Variants in CDH4 observed in about 807,000 individuals in gnomAD.
The protein encoded by CDH4 is cadherin 4.
A neutral mutation model predicts 86.0 loss-of-function variants in CDH4; 33 were observed. That is an observed-to-expected ratio of 0.38 (90% confidence interval 0.29 to 0.51). The LOEUF (loss-of-function observed/expected upper bound fraction) is 0.51. CDH4 is among the 20% of genes least tolerant of loss of function. The probability of loss-of-function intolerance (pLI) is 0.86; values close to 1 mark genes in which losing one functional copy is unlikely to be tolerated. For missense variants in CDH4, 1,114 were observed against 1,307.4 expected (o/e 0.85, Z 2.28); for synonymous variants, 555 against 549.4 (o/e 1.01, Z -0.14).
intron 2 of CDH4, among the ~76,000 whole-genome samples, chr20:61,473,111 C>T (rs1255242332): frequency 1.3e-5 from 2 of 151,962 alleles, no homozygotes; most frequent in East Asian, 1.9e-4. Context: ...ATTACATCAT[C>T]GAATGTGGAG....
intron 2 of CDH4, among the ~76,000 whole-genome samples, chr20:61,308,408 G>A (rs1350761452): frequency 1.3e-5 from 2 of 152,202 alleles, no homozygotes; most frequent in Admixed American, 6.5e-5. Context: ...TTGTGGGGAG[G>A]AGAAGGCAGG....
intron 9 of CDH4, among the ~76,000 whole-genome samples, chr20:61,916,584 G>A (rs971072603): frequency 6.6e-6 from 1 of 152,230 alleles, no homozygotes; most frequent in African/African-American, 2.4e-5. Context: ...GAGCTGGGGA[G>A]AGGCTCCTGA....
chr20:61,342,806 C>T (rs1043282391), intron 2 of CDH4, among the ~76,000 whole-genome samples: 3 of 152,242 alleles, frequency 2.0e-5, no homozygotes, highest in African/African-American at 7.2e-5. Flanking sequence ...ATCATGGAGA[C>T]CGTGAGAGCC....
At position 61,510,914 on chromosome 20, in the gene CDH4, C is replaced by G. The variant is rs992644374; in HGVS notation, c.170-232649C>G. On this transcript the variant is annotated intron_variant, in intron 2 of 15. Coordinates refer to ENST00000614565, the MANE Select transcript of CDH4 (RefSeq NM_001794.5). The surrounding 1 kb of genome is among the most constrained non-coding windows in gnomAD (Gnocchi z 4.2). ...GTGGGGGAAGGTGAGGGGGTGGGGA[C>G]AGACATGTCACAAAATGAAAGCAGG... is the stretch of plus-strand genomic sequence containing the variant. Among the ~76,000 whole-genome samples the G allele has an allele frequency of 6.6e-6, 1 of 151,696 alleles. No individual in the cohort carries two copies. The highest frequency in any genetic ancestry group is 1.5e-5 in the Non-Finnish European group (1 of 68,000).
chr20:61,815,506 G>A (rs1424652936), intron 4 of CDH4, among the ~76,000 whole-genome samples: 1 of 152,206 alleles, frequency 6.6e-6, no homozygotes, highest in Non-Finnish European at 1.5e-5. Context: ...CCGGGAGACA[G>A]GAGGAAGACG....
chr20:61,760,538 G>C (rs1359948781), intron 3 of CDH4, among the ~76,000 whole-genome samples: 2 of 152,226 alleles, frequency 1.3e-5, no homozygotes, highest in African/African-American at 4.8e-5. Context: ...TGGGCAGGTC[G>C]TGCAACCTCC....
intron 2 of CDH4, among the ~76,000 whole-genome samples, chr20:61,282,523 T>G (rs1320907843): frequency 6.7e-6 from 1 of 148,154 alleles, no homozygotes; most frequent in Non-Finnish European, 1.5e-5. Flanking sequence ...AAACCACTTT[T>G]AATCTTTGGC....
In CDH4 at chr20:61,937,071, A is replaced by C; in HGVS notation, c.*128A>C. ...CTTAGTGCTGTTAGGAGGCCCCCCA[A>C]TCCCCACGTTGAGCTGTCTAGCATG... On this transcript the variant is annotated 3_prime_UTR_variant, in exon 16 of 16. Coordinates refer to ENST00000614565, the MANE Select transcript of CDH4 (RefSeq NM_001794.5). The C allele has an allele frequency of 5.7e-6, 4 of 700,974 alleles. No individual in the cohort carries two copies. Among genetic ancestry groups the C allele is most frequent in the South Asian group, 2.6e-5 (1 of 39,084 alleles). 43.4% of individuals were successfully genotyped at this position (700,974 alleles called of 1,614,324 possible).
At chr20:61,773,243 C>T (rs892039761) in intron 4 of CDH4, 61 bp downstream of exon 4, 34 of 1,431,702 alleles carry the variant, frequency 2.4e-5, no homozygotes, top group Middle Eastern at 2.5e-4. Context: ...GCTCTTCTCC[C>T]GACATCCCAA....
At chr20:61,542,998 C>T (rs906802588) in intron 2 of CDH4, among the ~76,000 whole-genome samples, 2 of 152,214 alleles carry the variant, frequency 1.3e-5, no homozygotes, top group African/African-American at 2.4e-5. Flanking sequence ...AGTCTAAAAG[C>T]GGAAGGACTT....
chr20:61,888,299 C>T (rs1277137778), intron 7 of CDH4, among the ~76,000 whole-genome samples: 2 of 152,188 alleles, frequency 1.3e-5, no homozygotes, highest in Non-Finnish European at 2.9e-5. Context: ...GCCTGTCCAC[C>T]GCTGCTGGCA....
chr20:61,616,186 A>C (rs1220059248), intron 2 of CDH4, among the ~76,000 whole-genome samples: 1 of 152,254 alleles, frequency 6.6e-6, no homozygotes, highest in Non-Finnish European at 1.5e-5. Context: ...CTGCACCAGC[A>C]CTGCCGTCTC....
chr20:61,334,876 A>G (rs1265901831), intron 2 of CDH4, among the ~76,000 whole-genome samples: 3 of 152,190 alleles, frequency 2.0e-5, no homozygotes, highest in African/African-American at 7.2e-5. Context: ...GAGAAACTCC[A>G]CTTTGCCTCC....
rs146879366 is a variant in CDH4 at position 61,315,735 on chromosome 20, G to A, written c.169+60798G>A. Among the ~76,000 whole-genome samples, 40 of 152,272 alleles carry A rather than the reference G, an allele frequency of 2.6e-4. No individual in the cohort carries two copies. The East Asian group carries it at 7.3e-3, about 28-fold the overall frequency. On this transcript the variant is annotated intron_variant, in intron 2 of 15. Coordinates refer to ENST00000614565, the MANE Select transcript of CDH4 (RefSeq NM_001794.5). ...CATTTTTTGTTTAAGACATGGTCTTGCTCTGTCACCCATGCTGGAGTGCAG... is the reference window on the plus strand; with the variant it reads ...CATTTTTTGTTTAAGACATGGTCTTACTCTGTCACCCATGCTGGAGTGCAG...
intron 2 of CDH4, among the ~76,000 whole-genome samples, chr20:61,671,741 A>G (rs1024654205): frequency 7.4e-5 from 11 of 148,634 alleles, no homozygotes; most frequent in African/African-American, 2.7e-4. Flanking sequence ...TGGATGGATG[A>G]TGAATGAATG....
Position 61,703,728 on chromosome 20 carries a change from T to C in CDH4, c.170-39835T>C, listed in dbSNP as rs570359232. On this transcript the variant is annotated intron_variant, in intron 2 of 15. Coordinates refer to ENST00000614565, the MANE Select transcript of CDH4 (RefSeq NM_001794.5). The surrounding 1 kb of genome is among the most constrained non-coding windows in gnomAD (Gnocchi z 4.3). ...TGAGGTGGCTCCACTCGGGGCAGGG[T>C]TGAGGCTTTCTGTGTCTGCATCAGA... 1.7e-3 allele frequency among the ~76,000 whole-genome samples: 266 copies of C among 152,346 alleles called. No individual in the cohort carries two copies. The highest frequency in any genetic ancestry group is 6.0e-3 in the African/African-American group (248 of 41,584).
intron 2 of CDH4, among the ~76,000 whole-genome samples, chr20:61,589,543 A>C (rs1307144584): frequency 6.6e-6 from 1 of 152,182 alleles, no homozygotes; most frequent in Non-Finnish European, 1.5e-5. Context: ...ATGCAGAAAA[A>C]CAGGGTGAGT....
intron 2 of CDH4, among the ~76,000 whole-genome samples, chr20:61,414,452 G>A (rs868583075): frequency 1.3e-5 from 2 of 152,224 alleles, no homozygotes; most frequent in Non-Finnish European, 2.9e-5. Context: ...CTGCGTGGAG[G>A]CCATTCTGAG....
At chr20:61,793,740 T>C (rs890408014) in intron 4 of CDH4, among the ~76,000 whole-genome samples, 7 of 150,866 alleles carry the variant, frequency 4.6e-5, no homozygotes, top group Non-Finnish European at 4.4e-5. Context: ...CTTGGGAGGC[T>C]GAGGCAGAGA....
Sources: allele counts gnomAD v4.1 joint callset (sites outside exome capture counted in the v4.1 genomes callset), GRCh38; gene constraint gnomAD v4.1.1; non-coding constraint Gnocchi (gnomAD v3.1); transcripts MANE v1.5; gene names NCBI Gene and HGNC (gene_info 2026-07-23, HGNC 2026-07-21).